Variants in CSMD1 observed in about 807,000 individuals in gnomAD.
CSMD1 encodes CUB and sushi domain-containing protein 1.
Under a neutral mutation model 417.5 loss-of-function variants are expected in CSMD1, and 213 were observed. That is an observed-to-expected ratio of 0.51 (90% CI 0.46 to 0.57). CSMD1 has a LOEUF of 0.57. Among genes scored for constraint, CSMD1 ranks in the 20% least tolerant of loss-of-function variants. The pLI is 0.00. For synonymous variants in CSMD1, 2,862 were observed against 1,736.8 expected (o/e 1.65, Z -16.11); for missense variants, 6,923 against 4,529.7 (o/e 1.53, Z -15.17).
intron 1 of CSMD1, among the ~76,000 whole-genome samples, chr8:4,686,282 C>A (rs921029018): frequency 2.0e-5 from 3 of 152,190 alleles, no homozygotes; most frequent in Admixed American, 6.5e-5. Flanking sequence ...TTCTTTTCAA[C>A]GGCCCATTAA....
At chr8:4,205,459 A>T (rs1457455775) in intron 3 of CSMD1, among the ~76,000 whole-genome samples, 1 of 152,190 alleles carries the variant, frequency 6.6e-6, no homozygotes, top group Non-Finnish European at 1.5e-5. Flanking sequence ...CCATTTATAT[A>T]CTTACAAAAG....
chr8:4,269,096 G>A (rs188517307), intron 3 of CSMD1, among the ~76,000 whole-genome samples: 51 of 152,132 alleles, frequency 3.4e-4, no homozygotes, highest in African/African-American at 6.5e-4. Flanking sequence ...TCACTTTGTC[G>A]CCCAGGCTGG....
At chr8:4,032,123 A>G (rs1390032680) in intron 3 of CSMD1, 24 bp from the exon 4 acceptor site, 8 of 1,558,906 alleles carry the variant, frequency 5.1e-6, no homozygotes, top group Non-Finnish European at 7.0e-6. Context: ...AAAAGAAAGG[A>G]GAAAAAACAA....
chr8:4,733,503 T>C (rs750477054), intron 1 of CSMD1, among the ~76,000 whole-genome samples: 6 of 152,140 alleles, frequency 3.9e-5, no homozygotes, highest in Non-Finnish European at 8.8e-5. Flanking sequence ...TTACACATAA[T>C]CCTCTCAATG....
At chr8:3,988,511 A>ACAAT (rs1172434145) in intron 5 of CSMD1, among the ~76,000 whole-genome samples, 1 of 152,240 alleles carries the variant, frequency 6.6e-6, no homozygotes, top group African/African-American at 2.4e-5. Flanking sequence ...CCAGAGCTGA[A>ACAAT]CGATTGTCAG....
chr8:4,115,746 T>G (rs1046347143), intron 3 of CSMD1, among the ~76,000 whole-genome samples: 1 of 152,016 alleles, frequency 6.6e-6, no homozygotes, highest in African/African-American at 2.4e-5. Context: ...CTGTCAATAT[T>G]CAGTGCTAAA....
intron 3 of CSMD1, among the ~76,000 whole-genome samples, chr8:4,065,173 C>A (rs752972022): frequency 1.3e-5 from 2 of 152,152 alleles, no homozygotes; most frequent in African/African-American, 2.4e-5. Flanking sequence ...TTACACAAAA[C>A]ACTTCTGATA....
intron 1 of CSMD1, among the ~76,000 whole-genome samples, chr8:4,888,734 G>A (rs1803914496): frequency 6.6e-6 from 1 of 152,088 alleles, no homozygotes; most frequent in South Asian, 2.1e-4. Context: ...TGCAGGCCAA[G>A]CCTGGGATAT....
intron 8 of CSMD1, among the ~76,000 whole-genome samples, chr8:3,600,994 T>C (rs762430510): frequency 2.6e-5 from 4 of 152,322 alleles, no homozygotes; most frequent in Admixed American, 6.5e-5. Context: ...GGGGTCTCTG[T>C]ACTAATCTCT....
intron 11 of CSMD1, among the ~76,000 whole-genome samples, chr8:3,473,514 G>A (rs976380157): frequency 6.6e-6 from 1 of 151,806 alleles, no homozygotes; most frequent in African/African-American, 2.4e-5. Context: ...AACTATTTTG[G>A]CTTGCTAACA....
chr8:4,544,414 G>C (rs543597333), intron 2 of CSMD1, among the ~76,000 whole-genome samples: 1 of 151,968 alleles, frequency 6.6e-6, no homozygotes, highest in Non-Finnish European at 1.5e-5. Flanking sequence ...AAAAATTACA[G>C]TAGTTATAAA....
intron 23 of CSMD1, among the ~76,000 whole-genome samples, chr8:3,318,179 G>C (rs535138647): frequency 6.6e-6 from 1 of 152,112 alleles, no homozygotes; most frequent in East Asian, 1.9e-4. Context: ...CCTTAGGCTT[G>C]TAATATTCTA....
chr8:3,495,067 C>A (rs1796309626), intron 10 of CSMD1, among the ~76,000 whole-genome samples: 1 of 152,144 alleles, frequency 6.6e-6, no homozygotes, highest in South Asian at 2.1e-4. Context: ...ATTTAAAAAA[C>A]CTACTATTTC....
chr8:4,428,692 G>A (rs374219507), intron 2 of CSMD1, among the ~76,000 whole-genome samples: 1 of 151,822 alleles, frequency 6.6e-6, no homozygotes, highest in Non-Finnish European at 1.5e-5. Flanking sequence ...ATAATCCAGG[G>A]TTCATTTTAA....
intron 3 of CSMD1, among the ~76,000 whole-genome samples, chr8:4,302,406 A>T (rs1043006724): frequency 5.9e-5 from 9 of 152,224 alleles, no homozygotes; most frequent in African/African-American, 2.2e-4. Flanking sequence ...AAACCTTTAT[A>T]TATGTGATTA....
At chr8:3,068,097 A>G (rs1813067896) in intron 49 of CSMD1, among the ~76,000 whole-genome samples, 1 of 152,110 alleles carries the variant, frequency 6.6e-6, no homozygotes. Context: ...ATGTGTCACT[A>G]ATGCCTCAAT....
At chr8:3,556,052 G>A (rs1312057720) in intron 10 of CSMD1, among the ~76,000 whole-genome samples, 10 of 151,936 alleles carry the variant, frequency 6.6e-5, no homozygotes, top group Admixed American at 2.6e-4. Flanking sequence ...TTAACTTTTC[G>A]CTCTAGATGT....
chr8:4,191,203 C>G (rs1029670239), intron 3 of CSMD1, among the ~76,000 whole-genome samples: 3 of 152,004 alleles, frequency 2.0e-5, no homozygotes, highest in African/African-American at 7.3e-5. Context: ...GAGACCATCC[C>G]GGCTAACATG....
intron 5 of CSMD1, among the ~76,000 whole-genome samples, chr8:3,987,979 T>A (rs1365370948): frequency 6.6e-6 from 1 of 152,230 alleles, no homozygotes; most frequent in African/African-American, 2.4e-5. Flanking sequence ...CTCAACTTTT[T>A]AACTCAATTT....
Sources: allele counts gnomAD v4.1 joint callset (sites outside exome capture counted in the v4.1 genomes callset), GRCh38; gene constraint gnomAD v4.1.1; transcripts MANE v1.5; gene names NCBI Gene and HGNC (gene_info 2026-07-23, HGNC 2026-07-21).